The following ECPAS variants were observed in gnomAD, a reference collection of about 807,000 sequenced individuals.
ECPAS encodes the protein Ecm29 proteasome adaptor and scaffold, also known as proteasome adapter and scaffold protein ECM29.
ECPAS carries 70 observed loss-of-function variants against 255.1 expected under a neutral mutation model. That is an observed-to-expected ratio of 0.27 (90% CI 0.23 to 0.33). The LOEUF is 0.33. Among genes scored for constraint, ECPAS ranks in the 10% least tolerant of loss-of-function variants. The pLI is 1.00. For missense variants in ECPAS, 1,817 were observed against 2,206.4 expected, an observed-to-expected ratio of 0.82 and a Z score of 3.54; for synonymous variants, 784 against 775.0, an observed-to-expected ratio of 1.01 and a Z score of -0.19.
At position 111,414,573 on chromosome 9, in the gene ECPAS, C is replaced by A; in HGVS notation, c.1843G>T (p.Asp615Tyr). ...TAGCGCCCAATGGCTGGGGCATGAT[C>A]CTGCATATCAGCCAAACTCTGAGAG... The part of the protein sequence containing the change: ...PTSQSLADMQ[D>Y]HAPAIGRYIR... The change falls in exon 19 of 50, where the codon GAT becomes TAT. Residue 615 changes from aspartate to tyrosine, a missense_variant. Transcript: ENST00000684092. 6.2e-7 allele frequency: 1 copy of A among 1,614,014 alleles called. No homozygotes were observed. Among genetic ancestry groups the A allele is most frequent in the Non-Finnish European group, 8.5e-7 (1 of 1,179,892 alleles).
At chr9:111,481,742 C>G (rs2098305643) in intron 1 of ECPAS, among the ~76,000 whole-genome samples, 1 of 152,190 alleles carries the variant, frequency 6.6e-6, no homozygotes, top group South Asian at 2.1e-4. Flanking sequence ...GTGATATATA[C>G]ATACAAGGGA....
intron 8 of ECPAS, among the ~76,000 whole-genome samples, chr9:111,432,944 C>G (rs2098232316): frequency 6.6e-6 from 1 of 152,152 alleles, no homozygotes; most frequent in South Asian, 2.1e-4. Flanking sequence ...GGAACTGACA[C>G]TTTTCTTAAC....
Position 111,440,535 on chromosome 9 carries a change from T to A in ECPAS, c.390-14A>T. On this transcript the variant is annotated splice_polypyrimidine_tract_variant and intron_variant, in intron 5 of 49. Coordinates refer to ENST00000684092, the MANE Select transcript of ECPAS (RefSeq NM_001364929.1). ...AGATGCATTAAGCTGAAAAAACAAT[T>A]ACATTTATTGCAACTACTTAAAAAA... 1 of 1,555,144 alleles carries A rather than the reference T, an allele frequency of 6.4e-7. No individual in the cohort carries two copies. Among genetic ancestry groups the A allele is most frequent in the Non-Finnish European group, 8.8e-7 (1 of 1,141,754 alleles).
chr9:111,383,150 GA>G, intron 35 of ECPAS, 60 bp downstream of exon 35: 1 of 1,584,062 alleles, frequency 6.3e-7, no homozygotes, highest in South Asian at 1.1e-5. Flanking sequence ...AACCTTGAAA[GA>G]AACACAATTT....
chr9:111,419,857 G>C (rs2131781527), intron 16 of ECPAS, among the ~76,000 whole-genome samples, 160 bp downstream of exon 16: 1 of 149,840 alleles, frequency 6.7e-6, no homozygotes, highest in Admixed American at 6.7e-5. Context: ...TAAATATATA[G>C]GTATATGAGT....
chr9:111,445,355 T>C (rs2098251512), intron 3 of ECPAS, among the ~76,000 whole-genome samples: 1 of 151,962 alleles, frequency 6.6e-6, no homozygotes, highest in African/African-American at 2.4e-5. Flanking sequence ...GGGCCTAGAC[T>C]GAAGCATGTC....
chr9:111,440,265 G>T, intron 6 of ECPAS, 107 bp downstream of exon 6: 1 of 963,668 alleles, frequency 1.0e-6, no homozygotes, highest in Non-Finnish European at 1.5e-6. Context: ...GTAAATGGAT[G>T]TTGAGATGCA....
At chr9:111,471,176 C>T (rs750600480) in intron 2 of ECPAS, among the ~76,000 whole-genome samples, 4 of 152,188 alleles carry the variant, frequency 2.6e-5, no homozygotes, top group Non-Finnish European at 5.9e-5. Context: ...TGTAGCTTCA[C>T]TTTGCCTTCA....
At chr9:111,465,963 G>T (rs948260938) in intron 2 of ECPAS, among the ~76,000 whole-genome samples, 1 of 151,940 alleles carries the variant, frequency 6.6e-6, no homozygotes, top group Non-Finnish European at 1.5e-5. Flanking sequence ...CAGCTCAGGA[G>T]GTTGAGGCTG....
intron 2 of ECPAS, among the ~76,000 whole-genome samples, chr9:111,452,808 C>T (rs940147710): frequency 6.6e-6 from 1 of 152,108 alleles, no homozygotes; most frequent in African/African-American, 2.4e-5. Flanking sequence ...AACAAGCATA[C>T]CTAACACCCA....
chr9:111,425,063 T>C (rs1046996145), intron 12 of ECPAS, among the ~76,000 whole-genome samples: 2 of 151,978 alleles, frequency 1.3e-5, no homozygotes, highest in Non-Finnish European at 2.9e-5. Flanking sequence ...GGCAGGTGCC[T>C]GTAATCCCAG....
In ECPAS at chr9:111,420,066, A is replaced by T. The variant is rs202190767; in HGVS notation, c.1510T>A (p.Ser504Thr). The change falls in exon 16 of 50, where the codon TCA becomes ACA. Residue 504 changes from serine to threonine, a missense_variant. Physicochemically the swap from Ser to Thr is moderately conservative, Grantham distance 58 (BLOSUM62 1). Coordinates refer to ENST00000684092, the MANE Select transcript of ECPAS (RefSeq NM_001364929.1). ...AVKFASTVFP[S>T]DHIPSRYLLL... ...AAATATCTGGAAGGGATATGATCTG[A>T]GGGAAACACCGTACTGGCAAATTTC... The T allele has an allele frequency of 1.3e-4, 215 of 1,613,068 alleles. No individual in the cohort carries two copies. The African/African-American group carries it at 2.5e-3, about 19-fold the overall frequency.
intron 29 of ECPAS, 85 bp downstream of exon 29, chr9:111,391,671 C>T (rs2098160399): frequency 1.2e-6 from 1 of 846,230 alleles, no homozygotes; most frequent in African/African-American, 1.7e-5. Flanking sequence ...TAGAAATCAA[C>T]TTCATGACTG....
chr9:111,378,847 G>T, intron 35 of ECPAS, 117 bp from the exon 36 acceptor site: 1 of 988,728 alleles, frequency 1.0e-6, no homozygotes, highest in Non-Finnish European at 1.4e-6. Context: ...TCACATGGTT[G>T]CAGAGCCTGG....
rs1239205535 is a variant in ECPAS, at chr9:111,381,119, A to G, written c.3803+2092T>C. On this transcript the variant is annotated intron_variant, in intron 35 of 49. Coordinates refer to ENST00000684092, the MANE Select transcript of ECPAS (RefSeq NM_001364929.1). The stretch of plus-strand genomic sequence containing the variant: ...GCACAAGAGGCCTAGCTTTCAGCCT[A>G]TCTCAGCTTTCATGACATCCCTTCC... Among the ~76,000 whole-genome samples the G allele has an allele frequency of 3.3e-5, 5 of 152,266 alleles. No homozygotes were observed. The East Asian group carries it at 5.8e-4, about 18-fold the overall frequency.
chr9:111,418,042 T>C (rs1192561417), intron 16 of ECPAS, 36 bp from the exon 17 acceptor site: 8 of 1,538,252 alleles, frequency 5.2e-6, no homozygotes, highest in Non-Finnish European at 3.5e-6. Context: ...AAAAAATAAA[T>C]GTCACCAATG....
intron 43 of ECPAS, 48 bp from the exon 44 acceptor site, chr9:111,370,813 T>C: frequency 6.6e-7 from 1 of 1,509,978 alleles, no homozygotes; most frequent in Non-Finnish European, 9.1e-7. Context: ...AAACATGTCA[T>C]TTACACTGTC....
At chr9:111,411,959 A>C in intron 21 of ECPAS, 55 bp downstream of exon 21, 1 of 1,425,952 alleles carries the variant, frequency 7.0e-7, no homozygotes, top group Non-Finnish European at 9.3e-7. Flanking sequence ...AATAAGTTAG[A>C]TCCTTTTATA....
chr9:111,392,346 T>G (rs2098161405), intron 28 of ECPAS, among the ~76,000 whole-genome samples: 1 of 152,230 alleles, frequency 6.6e-6, no homozygotes, highest in African/African-American at 2.4e-5. Flanking sequence ...TTCCACTGAA[T>G]TAAATGTGGT....
Sources: allele counts gnomAD v4.1 joint callset (sites outside exome capture counted in the v4.1 genomes callset), GRCh38; gene constraint gnomAD v4.1.1; transcripts MANE v1.5; gene names NCBI Gene and HGNC (gene_info 2026-07-23, HGNC 2026-07-21).